Variants in CPB2 observed in about 807,000 individuals in gnomAD.
CPB2 encodes the protein carboxypeptidase B-like protein.
CPB2 carries 54 observed loss-of-function variants against 57.0 expected under a neutral mutation model. That is an observed-to-expected ratio of 0.95 (90% CI 0.76 to 1.19). The LOEUF is 1.19. CPB2 is among the 50% of genes most tolerant of loss of function. The pLI is 0.00. For synonymous variants in CPB2, 189 were observed against 178.1 expected (o/e 1.06, Z -0.49); for missense variants, 426 against 512.0 (o/e 0.83, Z 1.62).
rs374795711 is a variant in CPB2 at position 46,082,472 on chromosome 13, G to C, written c.353C>G (p.Ser118Trp). ...NDTVSPRASA[S>W]YYEQYHSLNE... Reference sequence around the variant, plus strand: ...TAGTGAGTGATACTGTTCATAGTACGATGCGGAGGCTCGGGGGCTGACTGT... The same window carrying C: ...TAGTGAGTGATACTGTTCATAGTACCATGCGGAGGCTCGGGGGCTGACTGT... The change falls in exon 4 of 11, where the codon TCG becomes TGG. Residue 118 changes from serine to tryptophan, a missense_variant. Transcript: ENST00000181383. 9 of 1,612,832 alleles carry C rather than the reference G, an allele frequency of 5.6e-6. No individual in the cohort carries two copies. Among genetic ancestry groups the C allele is most frequent in the Non-Finnish European group, 7.6e-6 (9 of 1,179,124 alleles).
chr13:46,090,667 A>T (rs1289879816), intron 1 of CPB2, among the ~76,000 whole-genome samples: 1 of 145,710 alleles, frequency 6.9e-6, no homozygotes, highest in African/African-American at 2.5e-5. Flanking sequence ...CAGCCCATTT[A>T]TCTATTCTTT....
chr13:46,071,195 G>T (rs2044937076), intron 6 of CPB2, among the ~76,000 whole-genome samples: 1 of 152,102 alleles, frequency 6.6e-6, no homozygotes, highest in Non-Finnish European at 1.5e-5. Context: ...AATTTGTGAT[G>T]GGACCAATTA....
chr13:46,084,580 C>T (rs1429184598), intron 2 of CPB2, among the ~76,000 whole-genome samples: 3 of 151,952 alleles, frequency 2.0e-5, no homozygotes, highest in African/African-American at 4.8e-5. Flanking sequence ...CTGGAATATA[C>T]AAGATAATCC....
rs538460197 is a variant in CPB2 at position 46,072,126 on chromosome 13, G to A, written c.591+1747C>T. On this transcript the variant is annotated intron_variant, in intron 6 of 10. Coordinates refer to ENST00000181383, the MANE Select transcript of CPB2 (RefSeq NM_001872.5). ...CTAAATTTGCCTCCCGAGAGTACAT[G>A]AATGAGAAGCTTAGAAAGAAATGAC... is the stretch of plus-strand genomic sequence containing the variant. 5.3e-5 allele frequency among the ~76,000 whole-genome samples: 8 copies of A among 152,268 alleles called. 1 individual carries two copies. In the South Asian group the frequency reaches 1.7e-3, roughly 32 times the overall value.
chr13:46,077,489 G>A (rs2045040531), intron 5 of CPB2, among the ~76,000 whole-genome samples: 1 of 152,136 alleles, frequency 6.6e-6, no homozygotes, highest in Non-Finnish European at 1.5e-5. Context: ...ATGTAAATTA[G>A]TTCAGCCACT....
At chr13:46,094,652 G>A (rs904163258) in intron 1 of CPB2, among the ~76,000 whole-genome samples, 29 of 152,178 alleles carry the variant, frequency 1.9e-4, no homozygotes, top group Non-Finnish European at 3.4e-4. Flanking sequence ...CAGTAAGGTC[G>A]GAGTGGCAGC....
At chr13:46,092,537 A>G (rs1566416853) in intron 1 of CPB2, among the ~76,000 whole-genome samples, 1 of 152,238 alleles carries the variant, frequency 6.6e-6, no homozygotes, top group Non-Finnish European at 1.5e-5. Flanking sequence ...ATGTACCAAG[A>G]GCTCTCAAAG....
intron 1 of CPB2, among the ~76,000 whole-genome samples, chr13:46,089,767 T>C (rs1225830685): frequency 2.6e-5 from 4 of 152,186 alleles, no homozygotes; most frequent in Non-Finnish European, 5.9e-5. Flanking sequence ...AGGTTCTGTC[T>C]ATGCGGAAGA....
intron 7 of CPB2, among the ~76,000 whole-genome samples, chr13:46,065,920 C>T (rs9534302): frequency 0.34 from 52,228 of 151,948 alleles, 9,215 homozygotes; most frequent in African/African-American, 0.39. Flanking sequence ...TACTTTATTA[C>T]CAGTTTACAG....
intron 1 of CPB2, among the ~76,000 whole-genome samples, chr13:46,093,372 C>A (rs1345781512): frequency 6.6e-6 from 1 of 152,134 alleles, no homozygotes; most frequent in Non-Finnish European, 1.5e-5. Flanking sequence ...ACAAGTTTAG[C>A]ATAAACTATT....
At chr13:46,066,227 A>C (rs2044852776) in intron 7 of CPB2, among the ~76,000 whole-genome samples, 1 of 152,240 alleles carries the variant, frequency 6.6e-6, no homozygotes, top group Non-Finnish European at 1.5e-5. Context: ...ATATATACCT[A>C]GTTATGTTTC....
chr13:46,073,370 G>T, intron 6 of CPB2: 1 of 442,874 alleles, frequency 2.3e-6, no homozygotes. Flanking sequence ...TCTTATATAT[G>T]GCTTTTTTGA....
chr13:46,064,891 A>G (rs747896926), intron 7 of CPB2, 150 bp from the exon 8 acceptor site: 68 of 651,554 alleles, frequency 1.0e-4, no homozygotes, highest in Admixed American at 1.4e-4. Context: ...TGTTGTTGCA[A>G]TATTCCTTTG....
chr13:46,065,436 C>G (rs2044838679), intron 7 of CPB2, among the ~76,000 whole-genome samples: 1 of 151,962 alleles, frequency 6.6e-6, no homozygotes, highest in South Asian at 2.1e-4. Context: ...ACCATTCTGG[C>G]TAACACGGTG....
intron 8 of CPB2, among the ~76,000 whole-genome samples, chr13:46,060,559 T>A (rs773798154): frequency 6.6e-6 from 1 of 152,190 alleles, no homozygotes; most frequent in Non-Finnish European, 1.5e-5. Context: ...GTAACCAATA[T>A]AAAAATTATT....
rs1263844164 is a variant in CPB2, at chr13:46,080,972, A to G, written c.384+1469T>C. Among the ~76,000 whole-genome samples, 5 of 11,792 alleles carry G rather than the reference A, an allele frequency of 4.2e-4. No homozygotes were observed. In the South Asian group the frequency reaches 0.011, roughly 27 times the overall value. 7.7% of individuals were successfully genotyped at this position (11,792 alleles called of 152,430 possible). A position where few individuals can be genotyped will look rare whatever the true frequency, so the allele number is the denominator to read the frequency against. Reference sequence around the variant, plus strand: ...GGGTGACAGAGAGAAACTCTGTCTCAAAAAAAAAAAAAAAAAAAGGAAAGA... The same window carrying G: ...GGGTGACAGAGAGAAACTCTGTCTCGAAAAAAAAAAAAAAAAAAGGAAAGA... On this transcript the variant is annotated intron_variant, in intron 4 of 10. Coordinates refer to ENST00000181383, the MANE Select transcript of CPB2 (RefSeq NM_001872.5).
Position 46,060,759 on chromosome 13 carries a change from A to G in CPB2, c.797-2378T>C, listed in dbSNP as rs140504147. 5.9e-5 allele frequency among the ~76,000 whole-genome samples: 9 copies of G among 152,238 alleles called. No homozygotes were observed. The East Asian group carries it at 1.7e-3, about 29-fold the overall frequency. ...TATGATTGTCATTCTAGAGATTTCA[A>G]GCATTTTAGTGGAAAGAGCCCTGAA... On this transcript the variant is annotated intron_variant, in intron 8 of 10. Coordinates refer to ENST00000181383, the MANE Select transcript of CPB2 (RefSeq NM_001872.5).
chr13:46,079,005 G>A, intron 4 of CPB2, 104 bp from the exon 5 acceptor site: 1 of 701,672 alleles, frequency 1.4e-6, no homozygotes, highest in South Asian at 1.7e-5. Context: ...ACCTCTGTAT[G>A]TGGAATGCAC....
At chr13:46,093,748 A>G (rs1274148754) in intron 1 of CPB2, among the ~76,000 whole-genome samples, 1 of 152,208 alleles carries the variant, frequency 6.6e-6, no homozygotes, top group Non-Finnish European at 1.5e-5. Context: ...GGAAATGGCA[A>G]TTGAAGCCTT....
Sources: gnomAD v4.1 joint callset for allele counts (sites outside exome capture counted in the v4.1 genomes callset) on GRCh38, gnomAD v4.1.1 for gene constraint, MANE v1.5 for transcripts, NCBI Gene and HGNC (gene_info 2026-07-23, HGNC 2026-07-21) for gene names.